The following DEFB134 variants were observed in gnomAD, a reference collection of about 807,000 sequenced individuals.
DEFB134 encodes the protein beta-defensin 134.
Under a neutral mutation model 7.4 loss-of-function variants are expected in DEFB134, and 7 were observed. The observed-to-expected ratio is 0.95, with a 90% CI of 0.54 to 1.79. DEFB134 has a LOEUF of 1.79. Ranked by LOEUF, DEFB134 falls within the 40% of genes most tolerant of loss-of-function variation. The pLI, the probability that DEFB134 is intolerant of heterozygous loss-of-function variation, is 0.00. For missense variants in DEFB134, 105 were observed against 74.8 expected (o/e 1.40, Z -1.49); for synonymous variants, 33 against 25.0 (o/e 1.32, Z -0.96).
upstream of DEFB134, among the ~76,000 whole-genome samples, chr8:11,999,948 C>G (rs1800228532): frequency 6.6e-6 from 1 of 152,194 alleles, no homozygotes; most frequent in African/African-American, 2.4e-5. Flanking sequence ...CTAGATGGCT[C>G]TTTCTTCTGC....
chr8:11,996,119 A>G (rs917180813), intron 1 of DEFB134, 75 bp downstream of exon 2: 1 of 1,551,632 alleles, frequency 6.4e-7, no homozygotes, highest in Non-Finnish European at 8.9e-7. Flanking sequence ...TGGGTGGTGT[A>G]TGTTTATTGG....
At chr8:11,999,540 G>C (rs375043485), upstream of DEFB134, 1 of 152,142 alleles carries the variant, frequency 6.6e-6, no homozygotes, top group African/African-American at 2.4e-5. Context: ...TCCCCAGAAC[G>C]GACTATTACT....
chr8:11,996,456 C>G (rs900735899), upstream of DEFB134: 1 of 452,352 alleles, frequency 2.2e-6, no homozygotes, highest in African/African-American at 2.0e-5. Flanking sequence ...ACAGCCCTTT[C>G]TTGTTTGACA....
chr8:11,996,287 G>A, exon 1 of DEFB134: 1 of 1,610,578 alleles, frequency 6.2e-7, no homozygotes, highest in Non-Finnish European at 8.5e-7. Context: ...TAGTGGCAGG[G>A]TCTGACATCG....
At chr8:12,000,014 T>C (rs1800230084), upstream of DEFB134, among the ~76,000 whole-genome samples, 1 of 152,236 alleles carries the variant, frequency 6.6e-6, no homozygotes, top group Non-Finnish European at 1.5e-5. Context: ...ATCTTCCTGA[T>C]CTGTGGTTGT....
chr8:11,997,252 G>C (rs1800150101), upstream of DEFB134, among the ~76,000 whole-genome samples: 1 of 152,094 alleles, frequency 6.6e-6, no homozygotes, highest in African/African-American at 2.4e-5. Flanking sequence ...TGAATTAGTT[G>C]TTCATTCCTT....
upstream of DEFB134, among the ~76,000 whole-genome samples, chr8:11,997,839 A>T (rs1481061218): frequency 6.6e-6 from 1 of 152,224 alleles, no homozygotes; most frequent in South Asian, 2.1e-4. Flanking sequence ...AAAGATATTG[A>T]GGACCTAAAC....
chr8:12,000,408 T>A (rs535655268), upstream of DEFB134, among the ~76,000 whole-genome samples: 4 of 152,304 alleles, frequency 2.6e-5, no homozygotes, highest in African/African-American at 9.6e-5. Flanking sequence ...AATAAATAAA[T>A]GAACTCTAGA....
chr8:11,994,036 C>T (rs368764419), exon 2 of DEFB134: 2 of 1,613,782 alleles, frequency 1.2e-6, no homozygotes, highest in African/African-American at 2.7e-5. Flanking sequence ...CAGTAGGCAA[C>T]TAACATTTCA....
chr8:11,996,257 G>A (rs779380405), exon 1 of DEFB134: 3 of 1,613,582 alleles, frequency 1.9e-6, no homozygotes, highest in Non-Finnish European at 2.5e-6. Context: ...TTCATGGCTG[G>A]GAACTTCTGT....
At chr8:11,998,217 G>C (rs1417884854), upstream of DEFB134, among the ~76,000 whole-genome samples, 1 of 152,046 alleles carries the variant, frequency 6.6e-6, no homozygotes, top group Non-Finnish European at 1.5e-5. Flanking sequence ...GGAAGGTTAA[G>C]GAAGGTGGAT....
exon 2 of DEFB134, chr8:11,994,108 A>C: frequency 6.2e-7 from 1 of 1,611,992 alleles, no homozygotes; most frequent in Non-Finnish European, 8.5e-7. Context: ...ATTTCTGATG[A>C]TAATGAATTT....
intron 1 of DEFB134, among the ~76,000 whole-genome samples, chr8:11,994,947 C>T (rs1383001606): frequency 6.6e-6 from 1 of 152,148 alleles, no homozygotes; most frequent in Non-Finnish European, 1.5e-5. Flanking sequence ...GAAATCAATT[C>T]TGAAGATTTG....
Position 11,993,987 on chromosome 8 carries a change from G to A in DEFB134, c.194C>T (p.Ala65Val), listed in dbSNP as rs567399119. The A allele has an allele frequency of 1.4e-5, 22 of 1,612,764 alleles. No individual in the cohort carries two copies. The highest frequency in any genetic ancestry group is 1.7e-5 in the Non-Finnish European group (20 of 1,179,690). Residue 65 changes from alanine (A) to valine (V), a missense_variant, in exon 2 of 2, where the codon GCA becomes GTA. Transcript: ENST00000526438. ...ATTCATTGGTTTCTTATGTCAGGGT[G>A]CAGGATTTCCTTTGACACAGCACTC...
At chr8:11,995,859 C>T (rs781494923) in intron 1 of DEFB134, among the ~76,000 whole-genome samples, 11 of 151,566 alleles carry the variant, frequency 7.3e-5, no homozygotes, top group Non-Finnish European at 1.5e-4. Flanking sequence ...TGGACATATT[C>T]CATACATGAT....
At chr8:11,998,453 A>G (rs1800182852), upstream of DEFB134, among the ~76,000 whole-genome samples, 1 of 151,672 alleles carries the variant, frequency 6.6e-6, no homozygotes, top group African/African-American at 2.4e-5. Flanking sequence ...GCTGTCTTAA[A>G]AAAAAAATAA....
chr8:11,998,625 C>G (rs1800188254), upstream of DEFB134, among the ~76,000 whole-genome samples: 1 of 151,932 alleles, frequency 6.6e-6, no homozygotes, highest in Non-Finnish European at 1.5e-5. Context: ...TAACATCACA[C>G]TTAGAAGAAC....
rs780596842 is a variant in DEFB134, at chr8:11,996,174, C to T, written c.58+20G>A. 5.6e-6 allele frequency: 9 copies of T among 1,613,336 alleles called. No individual in the cohort carries two copies. Among genetic ancestry groups the T allele is most frequent in the East Asian group, 2.2e-5 (1 of 44,868 alleles). On this transcript the variant is annotated intron_variant, in intron 1 of 1. Coordinates refer to ENST00000526438, the Ensembl canonical transcript of DEFB134. ...CTTCTATATGAAGCACCCCTACCCCCCAAAATATGCCAGTTTTACCTGCCA... is the reference window on the plus strand; with the variant it reads ...CTTCTATATGAAGCACCCCTACCCCTCAAAATATGCCAGTTTTACCTGCCA...
upstream of DEFB134, chr8:11,999,259 G>A (rs1401414094): frequency 4.8e-6 from 1 of 209,262 alleles, no homozygotes; most frequent in Non-Finnish European, 1.1e-5. Context: ...ACAGTATAAA[G>A]AATTACTGGC....
Sources: allele counts gnomAD v4.1 joint callset (sites outside exome capture counted in the v4.1 genomes callset), GRCh38; gene constraint gnomAD v4.1.1; transcripts MANE v1.5; gene names NCBI Gene and HGNC (gene_info 2026-07-23, HGNC 2026-07-21).